The following OXR1 variants were observed in gnomAD, a reference collection of about 807,000 sequenced individuals.
OXR1 encodes oxidation resistance 1.
In OXR1, 41 loss-of-function variants were observed where a neutral mutation model predicts 104.6. The ratio of observed to expected loss-of-function variants is 0.39; its 90% CI spans 0.31 to 0.51. The LOEUF is 0.51. OXR1 is among the 20% of genes least tolerant of loss of function. OXR1 has a pLI of 0.77. For missense variants in OXR1, 955 were observed against 1,031.9 expected, an observed-to-expected ratio of 0.93 and a Z score of 1.02; for synonymous variants, 348 against 348.4, an observed-to-expected ratio of 1.00 and a Z score of 0.01.
At chr8:106,466,289 A>G (rs543062890) in intron 2 of OXR1, among the ~76,000 whole-genome samples, 1 of 152,102 alleles carries the variant, frequency 6.6e-6, no homozygotes, top group South Asian at 2.1e-4. Context: ...ATATTATAGA[A>G]GTAGGAAGGA....
chr8:106,374,284 C>T (rs552536523), intron 2 of OXR1, among the ~76,000 whole-genome samples: 2 of 152,268 alleles, frequency 1.3e-5, no homozygotes, highest in South Asian at 4.1e-4. Flanking sequence ...TTTCCTACTA[C>T]TGCTTTATAG....
intron 2 of OXR1, among the ~76,000 whole-genome samples, chr8:106,436,413 CA>C (rs1247340908): frequency 1.3e-5 from 2 of 151,904 alleles, no homozygotes; most frequent in Non-Finnish European, 2.9e-5. Context: ...TCTCTAGCCC[CA>C]TTTAAAATCC....
intron 3 of OXR1, among the ~76,000 whole-genome samples, chr8:106,653,196 T>C (rs1462170259): frequency 6.6e-6 from 1 of 151,510 alleles, no homozygotes; most frequent in Non-Finnish European, 1.5e-5. Flanking sequence ...AAAGAATGAT[T>C]AGTAACAATC....
At chr8:106,472,080 C>G (rs1436244325) in intron 2 of OXR1, among the ~76,000 whole-genome samples, 1 of 151,628 alleles carries the variant, frequency 6.6e-6, no homozygotes, top group East Asian at 1.9e-4. Context: ...CTTTAGTATC[C>G]CCTAATCTGT....
At chr8:106,636,019 C>CT (rs1263587140) in intron 3 of OXR1, among the ~76,000 whole-genome samples, 17 of 152,264 alleles carry the variant, frequency 1.1e-4, no homozygotes, top group African/African-American at 4.1e-4. Flanking sequence ...TTATGATTTT[C>CT]TTAAAAAGCA....
intron 2 of OXR1, among the ~76,000 whole-genome samples, chr8:106,373,194 C>T (rs898815420): frequency 6.6e-6 from 1 of 152,062 alleles, no homozygotes; most frequent in African/African-American, 2.4e-5. Context: ...CTTGAGTATC[C>T]TTGGATTTAG....
chr8:106,443,625 C>CT (rs1160423185), intron 2 of OXR1, among the ~76,000 whole-genome samples: 9 of 152,106 alleles, frequency 5.9e-5, no homozygotes, highest in Non-Finnish European at 8.8e-5. Flanking sequence ...GTATAATTAG[C>CT]TTTTCTTGTT....
intron 14 of OXR1, among the ~76,000 whole-genome samples, chr8:106,740,844 A>G (rs1459177592): frequency 1.3e-5 from 2 of 152,170 alleles, no homozygotes; most frequent in East Asian, 3.8e-4. Context: ...ATCTTGAATA[A>G]TGGGTGAAGT....
At chr8:106,684,745 T>G (rs1431384159) in intron 6 of OXR1, among the ~76,000 whole-genome samples, 1 of 152,186 alleles carries the variant, frequency 6.6e-6, no homozygotes, top group Non-Finnish European at 1.5e-5. Flanking sequence ...CTCTTGAGTT[T>G]AATTTTGACA....
chr8:106,636,153 A>G (rs1437470799), intron 3 of OXR1, among the ~76,000 whole-genome samples: 1 of 152,164 alleles, frequency 6.6e-6, no homozygotes, highest in Non-Finnish European at 1.5e-5. Flanking sequence ...CATTTAATAG[A>G]GTCCTGTACT....
At chr8:106,371,568 T>C (rs1816708684) in intron 2 of OXR1, among the ~76,000 whole-genome samples, 1 of 152,252 alleles carries the variant, frequency 6.6e-6, no homozygotes, top group Non-Finnish European at 1.5e-5. Flanking sequence ...GCTTTCGCTA[T>C]GTCCCAGAGA....
At chr8:106,400,659 A>C (rs1394959285) in intron 2 of OXR1, among the ~76,000 whole-genome samples, 1 of 152,176 alleles carries the variant, frequency 6.6e-6, no homozygotes, top group Non-Finnish European at 1.5e-5. Context: ...TATAACATCC[A>C]ATTTAGACTG....
intron 2 of OXR1, among the ~76,000 whole-genome samples, chr8:106,368,070 A>G (rs924548945): frequency 6.6e-6 from 1 of 152,186 alleles, no homozygotes; most frequent in African/African-American, 2.4e-5. Context: ...ACTAGGTTAC[A>G]GGTGAGAGTT....
chr8:106,684,177 C>T, intron 5 of OXR1, 69 bp from the exon 6 acceptor site: 1 of 742,814 alleles, frequency 1.3e-6, no homozygotes, highest in Admixed American at 2.1e-5. Context: ...ATAGTGCTTG[C>T]TTATAGAACA....
At chr8:106,530,156 A>C (rs932250998) in intron 3 of OXR1, among the ~76,000 whole-genome samples, 71 of 152,216 alleles carry the variant, frequency 4.7e-4, no homozygotes, top group African/African-American at 1.7e-3. Flanking sequence ...TACATTTCCC[A>C]ATGTTTTCAT....
At chr8:106,748,850 G>A (rs1265872295) in intron 16 of OXR1, among the ~76,000 whole-genome samples, 7 of 151,734 alleles carry the variant, frequency 4.6e-5, no homozygotes, top group Admixed American at 1.3e-4. Flanking sequence ...GATTATAGGC[G>A]TGAGGCACTG....
At chr8:106,331,811 T>A (rs1321339874) in intron 1 of OXR1, among the ~76,000 whole-genome samples, 2 of 151,866 alleles carry the variant, frequency 1.3e-5, no homozygotes, top group African/African-American at 4.8e-5. Context: ...CATGGTGGCA[T>A]GCACCTGTAA....
At position 106,302,983 on chromosome 8, in the gene OXR1, G is replaced by C. The variant is rs1348350251; in HGVS notation, c.-139+32616G>C. 2.6e-5 allele frequency among the ~76,000 whole-genome samples: 4 copies of C among 151,804 alleles called. No homozygotes were observed. In the East Asian group the frequency reaches 7.9e-4, roughly 30 times the overall value. ...TTAGCCAGGATGGTCTCAATCTCCT[G>C]ACCTCGTGATCCATCCGCCTTGGCC... is the stretch of plus-strand genomic sequence containing the variant. On this transcript the variant is annotated intron_variant, in intron 1 of 16. Transcript: ENST00000517566.
rs1156948447 is a variant in OXR1 at position 106,706,892 on chromosome 8, G to A, written c.1371G>A (p.Ser457=). 7.4e-6 allele frequency: 12 copies of A among 1,611,524 alleles called. No homozygotes were observed. The highest frequency in any genetic ancestry group is 3.4e-5 in the Admixed American group (2 of 59,318). ...AGGATTCTTTTCTTCATGAGAATTC[G>A]TTACACCAAGAAGAGAGTCAAAAAG... is the stretch of plus-strand genomic sequence containing the variant. The part of the protein sequence containing the change: ...SDQDSFLHEN[S]LHQEESQKEN... The change falls in exon 9 of 17, where the codon TCG becomes TCA. Residue 457 remains serine, a synonymous_variant. Coordinates refer to ENST00000517566, the MANE Select transcript of OXR1 (RefSeq NM_001198533.2).
Sources: gnomAD v4.1 joint callset for allele counts (sites outside exome capture counted in the v4.1 genomes callset) on GRCh38, gnomAD v4.1.1 for gene constraint, MANE v1.5 for transcripts, NCBI Gene and HGNC (gene_info 2026-07-23, HGNC 2026-07-21) for gene names.